Variants in SDC2 observed in about 807,000 individuals in gnomAD.
The protein encoded by SDC2 is syndecan 2, also known as syndecan-2.
SDC2 carries 13 observed loss-of-function variants against 22.2 expected under a neutral mutation model. The observed-to-expected ratio is 0.59, with a 90% CI of 0.38 to 0.93. The LOEUF (loss-of-function observed/expected upper bound fraction) is 0.93, where lower values mean the gene tolerates loss of function less well. Among genes scored for constraint, SDC2 ranks in the 40% least tolerant of loss-of-function variants. The pLI, the probability that SDC2 is intolerant of heterozygous loss-of-function variation, is 0.00. For missense variants in SDC2, 235 were observed against 246.8 expected (o/e 0.95, Z 0.32); for synonymous variants, 94 against 92.8 (o/e 1.01, Z -0.07).
At chr8:96,522,189 G>C (rs1328075611) in intron 1 of SDC2, among the ~76,000 whole-genome samples, 1 of 152,174 alleles carries the variant, frequency 6.6e-6, no homozygotes, top group South Asian at 2.1e-4. Flanking sequence ...GGGAAAGGAA[G>C]GCTTGGAGTG....
chr8:96,592,565 A>AT (rs986354780), intron 1 of SDC2, among the ~76,000 whole-genome samples: 10 of 152,120 alleles, frequency 6.6e-5, no homozygotes, highest in African/African-American at 2.2e-4. Context: ...TACTAAAACC[A>AT]TTTTTTAAAG....
At chr8:96,555,627 T>C (rs59688396) in intron 1 of SDC2, among the ~76,000 whole-genome samples, 5,703 of 152,298 alleles carry the variant, frequency 0.037, 354 homozygotes, top group African/African-American at 0.13. Flanking sequence ...TAGAATTTAA[T>C]AAACTAGGCT....
chr8:96,560,791 G>C (rs1304072254), intron 1 of SDC2, among the ~76,000 whole-genome samples: 1 of 152,066 alleles, frequency 6.6e-6, no homozygotes, highest in Non-Finnish European at 1.5e-5. Flanking sequence ...CCTAATACCA[G>C]GTTAAGAGCC....
At chr8:96,590,046 C>G (rs886751963) in intron 1 of SDC2, among the ~76,000 whole-genome samples, 1 of 152,242 alleles carries the variant, frequency 6.6e-6, no homozygotes, top group African/African-American at 2.4e-5. Context: ...GCTTCAGTTT[C>G]CCTGGCTGAA....
chr8:96,508,375 C>T (rs1033734940), intron 1 of SDC2, among the ~76,000 whole-genome samples: 1 of 150,298 alleles, frequency 6.7e-6, no homozygotes, highest in Non-Finnish European at 1.5e-5. Context: ...CACCTGTACT[C>T]CCAGCTCCTC....
At chr8:96,563,173 C>T (rs1563662887) in intron 1 of SDC2, among the ~76,000 whole-genome samples, 1 of 152,162 alleles carries the variant, frequency 6.6e-6, no homozygotes, top group Non-Finnish European at 1.5e-5. Flanking sequence ...TAAATCTCTC[C>T]CTTGCCTGTA....
At chr8:96,525,721 G>T (rs1298819474) in intron 1 of SDC2, among the ~76,000 whole-genome samples, 1 of 152,088 alleles carries the variant, frequency 6.6e-6, no homozygotes, top group Non-Finnish European at 1.5e-5. Flanking sequence ...TGATCTCCGA[G>T]GGCATCTCTT....
At chr8:96,595,375 A>C (rs889345544) in intron 2 of SDC2, among the ~76,000 whole-genome samples, 1 of 152,234 alleles carries the variant, frequency 6.6e-6, no homozygotes, top group South Asian at 2.1e-4. Flanking sequence ...TGAGCTTACA[A>C]TGCAGTCCTA....
chr8:96,577,388 G>A (rs566840924), intron 1 of SDC2, among the ~76,000 whole-genome samples: 12 of 152,258 alleles, frequency 7.9e-5, no homozygotes, highest in African/African-American at 2.4e-4. Flanking sequence ...AGTTCTCCAG[G>A]TATTTGTCTT....
chr8:96,592,590 T>C (rs1206261609), intron 1 of SDC2, among the ~76,000 whole-genome samples: 2 of 152,198 alleles, frequency 1.3e-5, no homozygotes, highest in African/African-American at 4.8e-5. Flanking sequence ...ATACCTCTAC[T>C]CTGTCTCCAG....
chr8:96,569,873 C>T (rs1304895832), intron 1 of SDC2, among the ~76,000 whole-genome samples: 1 of 151,936 alleles, frequency 6.6e-6, no homozygotes, highest in African/African-American at 2.4e-5. Context: ...ACTGTTAGTG[C>T]TATAAGGGGC....
chr8:96,602,438 A>T lies in SDC2; in HGVS notation c.216A>T (p.Arg72=), dbSNP rs1262420865. 6.2e-7 allele frequency: 1 copy of T among 1,614,150 alleles called. No individual in the cohort carries two copies. The highest frequency in any genetic ancestry group is 8.5e-7 in the Non-Finnish European group (1 of 1,179,978). The change falls in exon 3 of 5, where the codon CGA becomes CGT. Residue 72 remains arginine, a synonymous_variant. Coordinates refer to ENST00000302190, the MANE Select transcript of SDC2 (RefSeq NM_002998.4). ...AGAGTCCAGAGCTGACAACATCTCG[A>T]CCACTTCCAAAGATACTGTTGACTA... The part of the protein sequence containing the change: ...DVESPELTTS[R]PLPKILLTSA...
chr8:96,545,345 C>G (rs1216444198), intron 1 of SDC2, among the ~76,000 whole-genome samples: 7 of 152,096 alleles, frequency 4.6e-5, no homozygotes, highest in African/African-American at 2.4e-5. Context: ...TAGGATCTGG[C>G]GTTTTAAATA....
chr8:96,539,194 G>T (rs1414272295), intron 1 of SDC2, among the ~76,000 whole-genome samples: 1 of 152,160 alleles, frequency 6.6e-6, no homozygotes, highest in Admixed American at 6.5e-5. Context: ...AATTTTATGT[G>T]TCCATGTCTG....
chr8:96,538,600 G>A (rs1315149906), intron 1 of SDC2: 5 of 152,216 alleles, frequency 3.3e-5, no homozygotes, highest in Non-Finnish European at 2.9e-5. Context: ...CATATGAAAA[G>A]TGTAGAAATG....
intron 1 of SDC2, among the ~76,000 whole-genome samples, chr8:96,505,315 T>A (rs182141988): frequency 1.3e-5 from 2 of 152,128 alleles, no homozygotes; most frequent in African/African-American, 4.8e-5. Context: ...TATTTTTATT[T>A]TTTTTTGAGA....
chr8:96,506,568 C>T (rs1053775763), intron 1 of SDC2, among the ~76,000 whole-genome samples: 1 of 152,072 alleles, frequency 6.6e-6, no homozygotes. Context: ...CCTCGATCTC[C>T]TGGGCTCAAG....
intron 1 of SDC2, among the ~76,000 whole-genome samples, chr8:96,507,774 G>T (rs1377028961): frequency 6.6e-6 from 1 of 152,228 alleles, no homozygotes; most frequent in Non-Finnish European, 1.5e-5. Flanking sequence ...TTCCAGGAGA[G>T]AGTCTGATGC....
At chr8:96,592,902 G>A (rs542632169) in intron 1 of SDC2, among the ~76,000 whole-genome samples, 22 of 152,364 alleles carry the variant, frequency 1.4e-4, no homozygotes, top group Admixed American at 1.2e-3. Flanking sequence ...GCTGGCCTCA[G>A]CACAGGTCTG....
Sources: gnomAD v4.1 joint callset for allele counts (sites outside exome capture counted in the v4.1 genomes callset) on GRCh38, gnomAD v4.1.1 for gene constraint, MANE v1.5 for transcripts, NCBI Gene and HGNC (gene_info 2026-07-23, HGNC 2026-07-21) for gene names.